The following SHOC1 variants were observed in gnomAD, a reference collection of about 807,000 sequenced individuals.
SHOC1 encodes shortage in chiasmata 1, also known as protein shortage in chiasmata 1 ortholog.
A neutral mutation model predicts 179.2 loss-of-function variants in SHOC1; 136 were observed. The observed-to-expected ratio is 0.76, with a 90% CI of 0.66 to 0.87. SHOC1 has a LOEUF of 0.87. Among genes scored for constraint, SHOC1 ranks in the 40% least tolerant of loss-of-function variants. SHOC1 has a pLI of 0.00. For missense variants in SHOC1, 1,538 were observed against 1,700.8 expected (o/e 0.90, Z 1.68); for synonymous variants, 489 against 586.6 (o/e 0.83, Z 2.41).
intron 21 of SHOC1, among the ~76,000 whole-genome samples, chr9:111,704,751 T>A (rs1832170544): frequency 6.6e-6 from 1 of 152,128 alleles, no homozygotes. Context: ...CTAATGTTGG[T>A]ATGACCTTAG....
At chr9:111,693,476 A>G (rs1420673537) in intron 26 of SHOC1, among the ~76,000 whole-genome samples, 2 of 150,424 alleles carry the variant, frequency 1.3e-5, no homozygotes, top group Non-Finnish European at 3.0e-5. Context: ...GGTGATGTAT[A>G]CTTATAATCC....
chr9:111,746,987 G>C (rs929290334), intron 9 of SHOC1, among the ~76,000 whole-genome samples: 14 of 151,842 alleles, frequency 9.2e-5, no homozygotes, highest in African/African-American at 3.4e-4. Flanking sequence ...TTAGGCAATA[G>C]AATTATTTTT....
At chr9:111,722,105 A>G (rs940581978) in intron 15 of SHOC1, among the ~76,000 whole-genome samples, 4 of 152,260 alleles carry the variant, frequency 2.6e-5, no homozygotes, top group African/African-American at 7.2e-5. Flanking sequence ...CTTTTTTGGG[A>G]GGAGACTGAG....
rs377146348 is a variant in SHOC1 at position 111,756,390 on chromosome 9, T to C, written c.797A>G (p.Glu266Gly). Residue 266 changes from glutamate (E) to glycine (G), a missense_variant, in exon 8 of 28, where the codon GAG becomes GGG. Coordinates refer to ENST00000682961, the MANE Select transcript of SHOC1 (RefSeq NM_001378211.1). ...IDIPSLSELKELLNPVPEIIN... is the reference protein window; with the variant it reads ...IDIPSLSELKGLLNPVPEIIN... Reference sequence around the variant, plus strand: ...TATTTCTGGCACTGGGTTTAATAACTCCTTCAGTTCTGAGAGTGATGGAAT... The same window carrying C: ...TATTTCTGGCACTGGGTTTAATAACCCCTTCAGTTCTGAGAGTGATGGAAT... 73 of 1,611,782 alleles carry C rather than the reference T, an allele frequency of 4.5e-5. No individual in the cohort carries two copies. The highest frequency in any genetic ancestry group is 5.8e-5 in the Non-Finnish European group (68 of 1,178,550).
intron 1 of SHOC1, among the ~76,000 whole-genome samples, chr9:111,791,770 T>A (rs1187030014): frequency 6.6e-6 from 1 of 150,924 alleles, no homozygotes; most frequent in African/African-American, 2.4e-5. Context: ...ATTTCTCAAG[T>A]GGTCTTGAGA....
At chr9:111,777,664 A>G (rs1399236765) in intron 4 of SHOC1, among the ~76,000 whole-genome samples, 1 of 152,206 alleles carries the variant, frequency 6.6e-6, no homozygotes, top group Non-Finnish European at 1.5e-5. Flanking sequence ...AATGGCTGGC[A>G]TTACAAGAGA....
intron 18 of SHOC1, among the ~76,000 whole-genome samples, chr9:111,709,289 C>T (rs1832423153): frequency 1.3e-5 from 2 of 152,192 alleles, no homozygotes; most frequent in South Asian, 4.1e-4. Context: ...TTGCAGTAAG[C>T]CGAGATCGTG....
chr9:111,739,621 A>T (rs538198139), intron 11 of SHOC1, among the ~76,000 whole-genome samples: 9 of 152,308 alleles, frequency 5.9e-5, no homozygotes, highest in African/African-American at 2.2e-4. Context: ...TGTGTTGTGT[A>T]TATCAACAGT....
rs368091767 is a variant in SHOC1 at position 111,692,140 on chromosome 9, C to G, written c.3837G>C (p.Pro1279=). 6.2e-7 allele frequency: 1 copy of G among 1,613,668 alleles called. No homozygotes were observed. Among genetic ancestry groups the G allele is most frequent in the Non-Finnish European group, 8.5e-7 (1 of 1,179,798 alleles). Residue 1279 remains proline (P), a synonymous_variant, in exon 27 of 28, where the codon CCG becomes CCC. Coordinates refer to ENST00000682961, the MANE Select transcript of SHOC1 (RefSeq NM_001378211.1). ...PFLINIESRR[P]AYNSFLNHSD... ...TGTGGTTTAGAAAGGAGTTATAAGC[C>G]GGTCTCCTTGATTCTATATTAATTA...
At chr9:111,726,015 A>C (rs1403496082) in intron 13 of SHOC1, among the ~76,000 whole-genome samples, 1 of 152,188 alleles carries the variant, frequency 6.6e-6, no homozygotes, top group Non-Finnish European at 1.5e-5. Context: ...AGAATCAGAA[A>C]ACATGAAGAA....
chr9:111,713,025 A>T, intron 18 of SHOC1, 75 bp downstream of exon 18: 1 of 913,038 alleles, frequency 1.1e-6, no homozygotes. Flanking sequence ...TTAATTTTAA[A>T]AGCTGGTTAG....
At chr9:111,748,332 G>T in intron 8 of SHOC1, 133 bp from the exon 9 acceptor site, 1 of 628,204 alleles carries the variant, frequency 1.6e-6, no homozygotes. Flanking sequence ...TTAGAGAGAA[G>T]TAGAGATTTA....
chr9:111,721,682 A>G (rs1472927939), intron 15 of SHOC1, among the ~76,000 whole-genome samples: 1 of 152,168 alleles, frequency 6.6e-6, no homozygotes, highest in Admixed American at 6.5e-5. Flanking sequence ...TGAATACTCG[A>G]GGGAGAGGCT....
intron 7 of SHOC1, among the ~76,000 whole-genome samples, chr9:111,757,547 T>C (rs1226675523): frequency 6.6e-6 from 1 of 152,240 alleles, no homozygotes; most frequent in African/African-American, 2.4e-5. Flanking sequence ...TTGTGTGCTA[T>C]TGAAACTAAA....
At chr9:111,772,890 TCTC>T (rs1336918349) in intron 5 of SHOC1, among the ~76,000 whole-genome samples, 5 of 152,110 alleles carry the variant, frequency 3.3e-5, no homozygotes, top group Admixed American at 6.5e-5. Context: ...AATAAAGAAG[TCTC>T]CTGCCAGGGA....
chr9:111,762,600 G>C (rs1835185082), intron 5 of SHOC1, among the ~76,000 whole-genome samples: 1 of 151,768 alleles, frequency 6.6e-6, no homozygotes, highest in Admixed American at 6.6e-5. Flanking sequence ...TTTAGTAAAG[G>C]GACATTCTAT....
chr9:111,723,870 T>A lies in SHOC1; in HGVS notation c.1876A>T (p.Ile626Phe). ...CSLTLQEESP[I>F]VHINKTLEEI... ...TCCAGGGTTTTATTAATATGAACAA[T>A]AGGACTTTCTTCTTGAAGTGTCAAA... The change falls in exon 14 of 28, where the codon ATT becomes TTT. Residue 626 changes from isoleucine (I) to phenylalanine (F), a missense_variant. Physicochemically the swap from Ile to Phe is conservative, Grantham distance 21. Transcript: ENST00000682961. The A allele has an allele frequency of 6.3e-7, 1 of 1,583,990 alleles. No individual in the cohort carries two copies. Among genetic ancestry groups the A allele is most frequent in the Non-Finnish European group, 8.7e-7 (1 of 1,154,504 alleles).
chr9:111,704,059 G>A, intron 21 of SHOC1, 67 bp from the exon 22 acceptor site: 1 of 744,296 alleles, frequency 1.3e-6, no homozygotes, highest in Non-Finnish European at 2.2e-6. Context: ...AAAAGTTGTA[G>A]TTCCCTCCTG....
intron 5 of SHOC1, among the ~76,000 whole-genome samples, chr9:111,771,480 T>G (rs1336549765): frequency 6.6e-6 from 1 of 152,152 alleles, no homozygotes; most frequent in Non-Finnish European, 1.5e-5. Flanking sequence ...AAATTAAGTA[T>G]TCATGTACTT....
Sources: gnomAD v4.1 joint callset for allele counts (sites outside exome capture counted in the v4.1 genomes callset) on GRCh38, gnomAD v4.1.1 for gene constraint, MANE v1.5 for transcripts, NCBI Gene and HGNC (gene_info 2026-07-23, HGNC 2026-07-21) for gene names.